The following ASIC2 variants were observed in gnomAD, a reference collection of about 807,000 sequenced individuals.
The protein encoded by ASIC2 is acid-sensing ion channel 2.
In ASIC2, 25 loss-of-function variants were observed where a neutral mutation model predicts 57.3. That is an observed-to-expected ratio of 0.44 (90% CI 0.32 to 0.61). The LOEUF (loss-of-function observed/expected upper bound fraction) is 0.61, where lower values mean the gene tolerates loss of function less well. Among genes scored for constraint, ASIC2 ranks in the 20% least tolerant of loss-of-function variants. The pLI, the probability that ASIC2 is intolerant of heterozygous loss-of-function variation, is 0.06. For missense variants in ASIC2, 641 were observed against 738.1 expected (o/e 0.87, Z 1.52); for synonymous variants, 319 against 307.5 (o/e 1.04, Z -0.39).
intron 1 of ASIC2, among the ~76,000 whole-genome samples, chr17:33,764,453 T>C (rs957813675): frequency 6.6e-6 from 1 of 152,086 alleles, no homozygotes; most frequent in African/African-American, 2.4e-5. Flanking sequence ...GGATAATTAA[T>C]AAAGAAAAAG....
chr17:33,777,692 C>T (rs925223540), intron 1 of ASIC2, among the ~76,000 whole-genome samples: 1 of 152,162 alleles, frequency 6.6e-6, no homozygotes, highest in Non-Finnish European at 1.5e-5. Context: ...CTATCTTTGA[C>T]TAGAAAATGA....
At chr17:33,705,028 T>C (rs1030602035) in intron 1 of ASIC2, among the ~76,000 whole-genome samples, 2 of 152,214 alleles carry the variant, frequency 1.3e-5, no homozygotes, top group African/African-American at 4.8e-5. Flanking sequence ...GGGAACAACA[T>C]GAATGTCAGT....
intron 1 of ASIC2, among the ~76,000 whole-genome samples, chr17:33,884,722 C>T (rs1914786705): frequency 6.6e-6 from 1 of 152,076 alleles, no homozygotes; most frequent in Admixed American, 6.6e-5. Context: ...CACCCCATCC[C>T]CACACCCCCT....
intron 1 of ASIC2, among the ~76,000 whole-genome samples, chr17:33,750,063 C>G (rs1910381527): frequency 6.6e-6 from 1 of 152,194 alleles, no homozygotes; most frequent in Non-Finnish European, 1.5e-5. Flanking sequence ...CTTCCTTCCT[C>G]TACTCCTGTC....
chr17:33,965,146 T>C (rs1272480737), intron 1 of ASIC2, among the ~76,000 whole-genome samples: 1 of 152,212 alleles, frequency 6.6e-6, no homozygotes, highest in African/African-American at 2.4e-5. Context: ...GCCTATCATA[T>C]GTCAAACATG....
chr17:33,016,889 C>T (rs2091808929), intron 8 of ASIC2, among the ~76,000 whole-genome samples: 1 of 152,178 alleles, frequency 6.6e-6, no homozygotes, highest in Non-Finnish European at 1.5e-5. Flanking sequence ...GGATGGAGGC[C>T]TCCAAGGGAA....
chr17:33,099,306 C>G (rs151024762), intron 2 of ASIC2, among the ~76,000 whole-genome samples: 129 of 152,192 alleles, frequency 8.5e-4, no homozygotes, highest in African/African-American at 3.1e-3. Flanking sequence ...CATGAGCCAC[C>G]GCACCCAGCC....
intron 1 of ASIC2, among the ~76,000 whole-genome samples, chr17:33,177,237 A>G (rs1905796308): frequency 6.6e-6 from 1 of 152,196 alleles, no homozygotes; most frequent in African/African-American, 2.4e-5. Flanking sequence ...AATCCAACTC[A>G]TTGAAAACCA....
At chr17:33,440,414 G>C (rs555667735) in intron 1 of ASIC2, among the ~76,000 whole-genome samples, 38 of 152,312 alleles carry the variant, frequency 2.5e-4, no homozygotes, top group African/African-American at 9.1e-4. Flanking sequence ...ATTAAGCATA[G>C]TGCTGTTATA....
chr17:33,741,805 A>G (rs1214206431), intron 1 of ASIC2, among the ~76,000 whole-genome samples: 1 of 152,174 alleles, frequency 6.6e-6, no homozygotes, highest in Non-Finnish European at 1.5e-5. Flanking sequence ...ATTCTTGCTG[A>G]CATTCAGATA....
rs369196610 is a variant in ASIC2, at chr17:33,388,086, A to ACAAAG, written c.556-276024_556-276020dup. Among the ~76,000 whole-genome samples, 573 of 72,356 alleles carry ACAAAG rather than the reference A, an allele frequency of 7.9e-3. 7 individuals are homozygous for ACAAAG. The highest frequency in any genetic ancestry group is 0.026 in the African/African-American group (538 of 20,928). 47.5% of individuals were successfully genotyped at this position (72,356 alleles called of 152,430 possible). A position where few individuals can be genotyped will look rare whatever the true frequency, so the allele number is the denominator to read the frequency against. On this transcript the variant is annotated intron_variant, in intron 1 of 9. Coordinates refer to the ASIC2 transcript ENST00000359872. ...TAGAGAGAGACTCCATCTCAAAAAA[A>ACAAAG]CAAAGCAAAGCAAAACAAAACAAAA...
chr17:33,642,695 C>G (rs56658943), intron 1 of ASIC2, among the ~76,000 whole-genome samples: 33,966 of 152,186 alleles, frequency 0.22, 3,870 homozygotes, highest in South Asian at 0.26. Context: ...GGCTCTGAGC[C>G]TTGCAAGTAT....
At chr17:33,700,897 C>T (rs745820273) in intron 1 of ASIC2, among the ~76,000 whole-genome samples, 3 of 152,156 alleles carry the variant, frequency 2.0e-5, no homozygotes, top group East Asian at 1.9e-4. Flanking sequence ...GAAAATCCAT[C>T]GCTTTTGCAA....
At chr17:33,159,990 C>T (rs773503463) in intron 1 of ASIC2, among the ~76,000 whole-genome samples, 1 of 151,966 alleles carries the variant, frequency 6.6e-6, no homozygotes, top group Non-Finnish European at 1.5e-5. Flanking sequence ...GGGAGGATCG[C>T]GTGAGCTCAG....
chr17:34,131,144 G>A (rs1432071475), intron 1 of ASIC2, among the ~76,000 whole-genome samples: 9 of 152,038 alleles, frequency 5.9e-5, no homozygotes, highest in African/African-American at 1.7e-4. Context: ...TGTATATTAC[G>A]GCAGAGTTAG....
At chr17:33,332,309 GAAAC>G (rs1489526071) in intron 1 of ASIC2, among the ~76,000 whole-genome samples, 1 of 152,048 alleles carries the variant, frequency 6.6e-6, no homozygotes, top group African/African-American at 2.4e-5. Flanking sequence ...AAAGTTGAAA[GAAAC>G]AAACAAAATT....
At chr17:33,782,368 T>C (rs1327280763) in intron 1 of ASIC2, among the ~76,000 whole-genome samples, 1 of 152,056 alleles carries the variant, frequency 6.6e-6, no homozygotes, top group Admixed American at 6.5e-5. Context: ...CTTTTTTTTT[T>C]TTTTGCCCAT....
Position 33,877,634 on chromosome 17 carries a change from C to T in ASIC2, c.555+278344G>A, listed in dbSNP as rs536577922. ...GGAAGCTCGAACTGGGTGGAGCCCA[C>T]TGCAGCTCAAGGAGGCCTGCCTGCC... On this transcript the variant is annotated intron_variant, in intron 1 of 9. Transcript: ENST00000359872. Among the ~76,000 whole-genome samples the T allele has an allele frequency of 2.0e-5, 3 of 152,334 alleles. No homozygotes were observed. The South Asian group carries it at 6.2e-4, about 32-fold the overall frequency.
intron 1 of ASIC2, among the ~76,000 whole-genome samples, chr17:33,800,198 C>A (rs949985920): frequency 1.3e-5 from 2 of 152,164 alleles, no homozygotes; most frequent in Non-Finnish European, 2.9e-5. Context: ...CCCATCCAAG[C>A]TCTTAGACCA....
Sources: gnomAD v4.1 joint callset for allele counts (sites outside exome capture counted in the v4.1 genomes callset) on GRCh38, gnomAD v4.1.1 for gene constraint, MANE v1.5 for transcripts, NCBI Gene and HGNC (gene_info 2026-07-23, HGNC 2026-07-21) for gene names.